The following ENPP2 variants were observed in gnomAD, a reference collection of about 807,000 sequenced individuals.
ENPP2 encodes the protein autotaxin.
Under a neutral mutation model 120.2 loss-of-function variants are expected in ENPP2, and 51 were observed. The ratio of observed to expected loss-of-function variants is 0.42; its 90% CI spans 0.34 to 0.54. The LOEUF (loss-of-function observed/expected upper bound fraction) is 0.54, where lower values mean the gene tolerates loss of function less well. ENPP2 is among the 20% of genes least tolerant of loss of function. The probability of loss-of-function intolerance (pLI) is 0.04; values close to 1 mark genes in which losing one functional copy is unlikely to be tolerated. For missense variants in ENPP2, 920 were observed against 1,066.5 expected (o/e 0.86, Z 1.91); for synonymous variants, 365 against 366.4 (o/e 1.00, Z 0.04).
At chr8:119,590,804 T>A (rs2130432805) in intron 12 of ENPP2, among the ~76,000 whole-genome samples, 174 bp from the exon 13 acceptor site, 1 of 152,220 alleles carries the variant, frequency 6.6e-6, no homozygotes, top group African/African-American at 2.4e-5. Flanking sequence ...GGCTTCTCTG[T>A]ATAATCTTTT....
intron 8 of ENPP2, among the ~76,000 whole-genome samples, chr8:119,610,852 G>A (rs1815054228): frequency 6.6e-6 from 1 of 150,496 alleles, no homozygotes; most frequent in Non-Finnish European, 1.5e-5. Flanking sequence ...GTAGTGAGCT[G>A]AGATTGCACC....
chr8:119,596,162 C>T (rs1006358844), intron 11 of ENPP2, among the ~76,000 whole-genome samples: 31 of 152,198 alleles, frequency 2.0e-4, no homozygotes, highest in African/African-American at 6.8e-4. Context: ...ATTAGAGGAA[C>T]TCTATGGAGA....
chr8:119,595,913 A>G lies in ENPP2; in HGVS notation c.973-2053T>C, dbSNP rs754178947. ...GTATTTTTCTTCTTCTTTTCTTTGGAGGAGCAACTGGTCTTTCCTGTCTCC... is the reference window on the plus strand; with the variant it reads ...GTATTTTTCTTCTTCTTTTCTTTGGGGGAGCAACTGGTCTTTCCTGTCTCC... On this transcript the variant is annotated intron_variant, in intron 11 of 24. Coordinates refer to ENST00000075322, the MANE Select transcript of ENPP2 (RefSeq NM_001040092.3). 8.1e-6 allele frequency: 13 copies of G among 1,613,828 alleles called. No homozygotes were observed. The East Asian group carries it at 2.9e-4, about 36-fold the overall frequency.
chr8:119,599,385 A>G (rs188796415), intron 11 of ENPP2, among the ~76,000 whole-genome samples: 4 of 151,956 alleles, frequency 2.6e-5, no homozygotes, highest in African/African-American at 9.6e-5. Context: ...AGTATTGTCA[A>G]AAAACTTAAG....
intron 8 of ENPP2, among the ~76,000 whole-genome samples, chr8:119,613,087 G>A (rs1342199213): frequency 6.6e-6 from 1 of 151,934 alleles, no homozygotes; most frequent in Non-Finnish European, 1.5e-5. Flanking sequence ...AACAGAACAG[G>A]GAACAACCCC....
At chr8:119,635,156 C>T (rs1211709353) in intron 2 of ENPP2, among the ~76,000 whole-genome samples, 1 of 152,124 alleles carries the variant, frequency 6.6e-6, no homozygotes, top group African/African-American at 2.4e-5. Flanking sequence ...GAACATAAAC[C>T]TTCTCACTTC....
chr8:119,606,904 C>T (rs570862938), intron 9 of ENPP2, among the ~76,000 whole-genome samples: 91 of 149,910 alleles, frequency 6.1e-4, no homozygotes, highest in African/African-American at 2.0e-3. Context: ...ACAAAATCCC[C>T]GTGAAAGTTG....
chr8:119,633,448 C>CCTGAGGTCAGGAGTTCGAGAG (rs1816802655), intron 2 of ENPP2, among the ~76,000 whole-genome samples: 1 of 152,058 alleles, frequency 6.6e-6, no homozygotes, highest in African/African-American at 2.4e-5. Flanking sequence ...TGTGGTTATA[C>CCTGAGGTCAGGAGTTCGAGAG]CAGCTCCTTT....
chr8:119,638,546 C>T lies in ENPP2; in HGVS notation c.34-19G>A. 7.0e-7 allele frequency: 1 copy of T among 1,422,380 alleles called. No homozygotes were observed. Among genetic ancestry groups the T allele is most frequent in the Non-Finnish European group, 9.9e-7 (1 of 1,005,146 alleles). The allele number at this position is 1,422,380 out of a possible 1,614,324, so 88.1% of individuals were successfully genotyped here. A position where few individuals can be genotyped will look rare whatever the true frequency, so the allele number is the denominator to read the frequency against. The stretch of plus-strand genomic sequence containing the variant: ...ATATTATCTAAGAGAATAAAGAGAC[C>T]AAGTTGTCAAATACAGCTGGAGAAG... On this transcript the variant is annotated intron_variant, in intron 1 of 24. Transcript: ENST00000075322.
chr8:119,651,150 G>A (rs909740313), intron 1 of ENPP2, among the ~76,000 whole-genome samples: 1 of 152,046 alleles, frequency 6.6e-6, no homozygotes, highest in Non-Finnish European at 1.5e-5. Context: ...GTATTATAAT[G>A]GTTAAATTAT....
At chr8:119,671,257 C>T (rs530036656) in intron 1 of ENPP2, among the ~76,000 whole-genome samples, 4 of 151,576 alleles carry the variant, frequency 2.6e-5, no homozygotes, top group African/African-American at 7.3e-5. Flanking sequence ...GCTGAGATTG[C>T]GCCACTGCAC....
intron 18 of ENPP2, 76 bp downstream of exon 18, chr8:119,582,342 C>A: frequency 8.8e-7 from 1 of 1,141,708 alleles, no homozygotes; most frequent in South Asian, 1.4e-5. Flanking sequence ...TGTCCATTGT[C>A]ACAGAAAGTT....
Position 119,564,953 on chromosome 8 carries a change from C to A in ENPP2, c.2134G>T (p.Val712Phe). ...AATACCCTTTGGAAATAATTCCAGA[C>A]CCCTGTGCAAAGACAAAAATCCAAA... The part of the protein sequence containing the change: ...MVPMYPAFKR[V>F]WNYFQRVLVK... Residue 712 changes from valine (V) to phenylalanine (F), a missense_variant and splice_region_variant, in exon 23 of 25, where the codon GTC becomes TTC. Physicochemically the swap from Val to Phe is conservative, Grantham distance 50. Transcript: ENST00000075322. The A allele has an allele frequency of 6.2e-7, 1 of 1,609,572 alleles. No homozygotes were observed.
intron 9 of ENPP2, 47 bp downstream of exon 9, chr8:119,607,875 A>G (rs768694324): frequency 8.7e-7 from 1 of 1,151,838 alleles, no homozygotes; most frequent in Non-Finnish European, 1.3e-6. Context: ...TAGAAATTGA[A>G]TCATAGCTGT....
At chr8:119,638,934 C>T (rs952333763), upstream of ENPP2, 61 of 873,420 alleles carry the variant, frequency 7.0e-5, no homozygotes, top group Middle Eastern at 2.7e-3. Flanking sequence ...GATTACATCA[C>T]AGGGTGTTCA....
chr8:119,662,656 T>C (rs1474742043), intron 1 of ENPP2, among the ~76,000 whole-genome samples: 1 of 152,216 alleles, frequency 6.6e-6, no homozygotes, highest in African/African-American at 2.4e-5. Context: ...GTCTTTTGCT[T>C]TGCAAGTGTG....
chr8:119,648,405 C>A (rs1158810960), intron 1 of ENPP2, among the ~76,000 whole-genome samples: 1 of 152,042 alleles, frequency 6.6e-6, no homozygotes, highest in Non-Finnish European at 1.5e-5. Flanking sequence ...TCTTTTTAAC[C>A]TTATGAGAAA....
chr8:119,590,548 TC>T lies in ENPP2; in HGVS notation c.1163del (p.Gly388GlufsTer3). ...ATTTGGATCGAATTCTTCCTAGAGT[TC>T]CAGGCACTAAAGTAATATCATCCAC... ...TNVDDITLVP[G>X]TLGRIRSKFS... is the part of the protein sequence containing the mutation. On this transcript the variant is annotated frameshift_variant, in exon 13 of 25. Transcript: ENST00000075322. LOFTEE classifies it high-confidence loss of function. The T allele has an allele frequency of 6.3e-7, 1 of 1,599,368 alleles. No homozygotes were observed. Among genetic ancestry groups the T allele is most frequent in the South Asian group, 1.1e-5 (1 of 88,110 alleles).
At chr8:119,582,643 T>A in intron 17 of ENPP2, 41 bp from the exon 18 acceptor site, 1 of 1,403,110 alleles carries the variant, frequency 7.1e-7, no homozygotes, top group Non-Finnish European at 1.0e-6. Flanking sequence ...CTTCTTATAT[T>A]TTTTTGATGA....
Sources: gnomAD v4.1 joint callset for allele counts (sites outside exome capture counted in the v4.1 genomes callset) on GRCh38, gnomAD v4.1.1 for gene constraint, MANE v1.5 for transcripts, NCBI Gene and HGNC (gene_info 2026-07-23, HGNC 2026-07-21) for gene names.